BICDL1: variants seen among roughly 807,000 people sequenced by gnomAD.
The protein encoded by BICDL1 is BICD family like cargo adaptor 1.
A neutral mutation model predicts 76.8 loss-of-function variants in BICDL1; 20 were observed. That is an observed-to-expected ratio of 0.26 (90% CI 0.18 to 0.38). The LOEUF (loss-of-function observed/expected upper bound fraction) is 0.38. Among genes scored for constraint, BICDL1 ranks in the 10% least tolerant of loss-of-function variants. BICDL1 has a pLI of 1.00. For synonymous variants in BICDL1, 383 were observed against 337.1 expected, an observed-to-expected ratio of 1.14 and a Z score of -1.49; for missense variants, 700 against 798.6, an observed-to-expected ratio of 0.88 and a Z score of 1.49.
At chr12:120,012,689 A>G (rs1247324772) in intron 2 of BICDL1, among the ~76,000 whole-genome samples, 1 of 152,250 alleles carries the variant, frequency 6.6e-6, no homozygotes, top group Non-Finnish European at 1.5e-5. Flanking sequence ...ATATGAATTA[A>G]GGACATGAGG....
intron 3 of BICDL1, among the ~76,000 whole-genome samples, chr12:120,063,559 GA>G (rs1229677407): frequency 6.6e-6 from 1 of 152,156 alleles, no homozygotes; most frequent in Non-Finnish European, 1.5e-5. Context: ...TTCATTTCAG[GA>G]TTTCCCCTGG....
chr12:120,081,150 C>T (rs1347895689), intron 8 of BICDL1, 133 bp downstream of exon 8: 6 of 664,288 alleles, frequency 9.0e-6, no homozygotes, highest in Admixed American at 5.8e-5. Context: ...TACCCACCCC[C>T]ACCCCCACCC....
chr12:120,010,889 A>G (rs1178650692), intron 2 of BICDL1, among the ~76,000 whole-genome samples: 1 of 152,232 alleles, frequency 6.6e-6, no homozygotes, highest in African/African-American at 2.4e-5. Context: ...TGGCTTAACA[A>G]GTAAAACAAG....
chr12:120,025,039 T>C (rs1952261904), intron 2 of BICDL1, among the ~76,000 whole-genome samples: 1 of 148,386 alleles, frequency 6.7e-6, no homozygotes, highest in South Asian at 2.1e-4. Context: ...TGTGATATTA[T>C]ACTTTCTTTC....
chr12:120,052,572 C>G (rs7968557), intron 2 of BICDL1, among the ~76,000 whole-genome samples: 20,164 of 152,016 alleles, frequency 0.13, 1,665 homozygotes, highest in East Asian at 0.4. Flanking sequence ...ATGTTGACTG[C>G]TTGGTTAAGG....
chr12:120,091,554 G>A (rs1874969498), intron 9 of BICDL1: 2 of 985,002 alleles, frequency 2.0e-6, no homozygotes, highest in African/African-American at 1.8e-5. Flanking sequence ...CACAGTGCCA[G>A]CTCTGAGGGG....
chr12:120,035,018 C>G (rs1282483843), intron 2 of BICDL1, among the ~76,000 whole-genome samples: 1 of 152,110 alleles, frequency 6.6e-6, no homozygotes, highest in Non-Finnish European at 1.5e-5. Flanking sequence ...TAGGTTGTTT[C>G]TGTAATTGTT....
At chr12:119,997,103 C>G (rs888547034) in intron 1 of BICDL1, among the ~76,000 whole-genome samples, 7 of 152,068 alleles carry the variant, frequency 4.6e-5, no homozygotes, top group African/African-American at 1.7e-4. Context: ...CCCTCGCCAC[C>G]TCGCCCGGCT....
At chr12:120,009,843 T>C (rs891357898) in intron 2 of BICDL1, among the ~76,000 whole-genome samples, 33 of 152,198 alleles carry the variant, frequency 2.2e-4, no homozygotes, top group African/African-American at 7.0e-4. Flanking sequence ...AAGCAAGTAA[T>C]GTTTTGACAC....
chr12:120,021,444 G>A (rs1327045726), intron 2 of BICDL1, among the ~76,000 whole-genome samples: 12 of 149,502 alleles, frequency 8.0e-5, no homozygotes, highest in Non-Finnish European at 1.6e-4. Flanking sequence ...AAAATTAGCC[G>A]GGCATGGTGG....
Position 120,002,708 on chromosome 12 carries a change from C to T in BICDL1, c.645+3972C>T, listed in dbSNP as rs567077873. Among the ~76,000 whole-genome samples the T allele has an allele frequency of 4.6e-5, 7 of 152,234 alleles. No homozygotes were observed. In the South Asian group the frequency reaches 1.5e-3, roughly 32 times the overall value. The stretch of plus-strand genomic sequence containing the variant: ...TTTATTGATCAAGGCACTGGGAATA[C>T]AGTGGAGAACACAAGTCCTCTGTTT... On this transcript the variant is annotated intron_variant, in intron 2 of 9. Coordinates refer to ENST00000548673, the MANE Select transcript of BICDL1 (RefSeq NM_001367886.1).
intron 5 of BICDL1, 80 bp from the exon 6 acceptor site, chr12:120,072,431 T>TG (rs1052161684): frequency 4.3e-5 from 58 of 1,339,066 alleles, no homozygotes; most frequent in Non-Finnish European, 6.1e-5. Context: ...ATCAGTATTT[T>TG]GGGTTCAGAG....
Position 120,089,962 on chromosome 12 carries a change from T to C in BICDL1, c.1595T>C (p.Val532Ala), listed in dbSNP as rs753669447. The change falls in exon 9 of 10, where the codon GTG (valine) becomes GCG (alanine). Residue 532 changes from valine to alanine, a missense_variant. By Grantham distance (64) the Val-to-Ala change is moderately conservative. This residue lies in a region of BICDL1 where 455 missense variants were observed against 548.7 expected (regional missense o/e 0.83). Transcript: ENST00000548673. ...RDEAIAKKNAVELELAKCRMD... is the reference protein window; with the variant it reads ...RDEAIAKKNAAELELAKCRMD... The stretch of plus-strand genomic sequence containing the variant: ...TTGTCTGTTCTCAGGAAGAATGCTG[T>C]GGAGCTGGAACTTGCCAAGTGCAGG... 1.6e-5 allele frequency: 26 copies of C among 1,613,998 alleles called. No individual in the cohort carries two copies. The highest frequency in any genetic ancestry group is 2.7e-5 in the African/African-American group (2 of 74,932).
chr12:120,013,741 C>T (rs941922573), intron 2 of BICDL1, among the ~76,000 whole-genome samples: 5 of 152,120 alleles, frequency 3.3e-5, no homozygotes, highest in African/African-American at 4.8e-5. Flanking sequence ...GGATTACAGG[C>T]GTGAGCCACC....
At chr12:120,091,311 CTCTAA>C (rs1874944939) in intron 9 of BICDL1, 1 of 1,062,936 alleles carries the variant, frequency 9.4e-7, no homozygotes, top group African/African-American at 1.7e-5. Flanking sequence ...GTCTGGGAAA[CTCTAA>C]AGGGCGACCT....
At chr12:120,060,895 A>G (rs1052509520) in intron 2 of BICDL1, among the ~76,000 whole-genome samples, 17 of 152,164 alleles carry the variant, frequency 1.1e-4, no homozygotes, top group African/African-American at 3.6e-4. Flanking sequence ...ATCTCTCCCG[A>G]GAGAACCCAT....
In BICDL1 at chr12:120,081,014, C is replaced by A; in HGVS notation, c.1580C>A (p.Ala527Glu). 6.2e-7 allele frequency: 1 copy of A among 1,612,944 alleles called. No individual in the cohort carries two copies. The highest frequency in any genetic ancestry group is 8.5e-7 in the Non-Finnish European group (1 of 1,179,616). ...ATCAGGGACCGCGACGAGGCCATTG[C>A]AAAGTGAGTAGGGATGGCTTCACTT... ...KAIRDRDEAI[A>E]KKNAVELELA... The change falls in exon 8 of 10, where the codon GCA becomes GAA. Residue 527 changes from alanine (A) to glutamate (E), a missense_variant. Physicochemically the swap from Ala to Glu is moderately radical, Grantham distance 107. Transcript: ENST00000548673.
At chr12:119,996,012 T>C (rs1951637874) in intron 1 of BICDL1, among the ~76,000 whole-genome samples, 1 of 152,076 alleles carries the variant, frequency 6.6e-6, no homozygotes, top group Non-Finnish European at 1.5e-5. Flanking sequence ...TTCTCATTTT[T>C]GGAAGTTAAG....
intron 9 of BICDL1, chr12:120,091,850 T>C (rs1311094017): frequency 1.5e-5 from 15 of 985,202 alleles, no homozygotes; most frequent in African/African-American, 1.7e-5. Context: ...CCCAACTTCA[T>C]GCCCTCATCT....
Sources: allele counts gnomAD v4.1 joint callset (sites outside exome capture counted in the v4.1 genomes callset), GRCh38; gene constraint gnomAD v4.1.1; regional missense constraint gnomAD v4.1.1; transcripts MANE v1.5; gene names NCBI Gene and HGNC (gene_info 2026-07-23, HGNC 2026-07-21).